FUT9: variants seen among roughly 807,000 people sequenced by gnomAD.
FUT9 encodes fucosyltransferase 9, also known as 4-galactosyl-N-acetylglucosaminide 3-alpha-L-fucosyltransferase 9.
Under a neutral mutation model 29.7 loss-of-function variants are expected in FUT9, and 15 were observed. The ratio of observed to expected loss-of-function variants is 0.51; its 90% CI spans 0.34 to 0.78. The LOEUF is 0.78. Among genes scored for constraint, FUT9 ranks in the 30% least tolerant of loss-of-function variants. FUT9 has a pLI of 0.01. For missense variants in FUT9, 319 were observed against 425.4 expected (o/e 0.75, Z 2.20); for synonymous variants, 169 against 153.7 (o/e 1.10, Z -0.74).
intron 2 of FUT9, among the ~76,000 whole-genome samples, chr6:96,172,588 T>A (rs778852039): frequency 6.6e-6 from 1 of 151,806 alleles, no homozygotes; most frequent in Non-Finnish European, 1.5e-5. Flanking sequence ...GGTTTCTACA[T>A]CATACCACCA....
chr6:96,147,802 C>G (rs1356897840), intron 2 of FUT9, among the ~76,000 whole-genome samples: 1 of 150,720 alleles, frequency 6.6e-6, no homozygotes, highest in East Asian at 1.9e-4. Flanking sequence ...ATGACGGATT[C>G]AGGCTTGCAT....
At chr6:96,057,103 T>G (rs1294241589) in intron 1 of FUT9, among the ~76,000 whole-genome samples, 1 of 152,216 alleles carries the variant, frequency 6.6e-6, no homozygotes, top group Non-Finnish European at 1.5e-5. Flanking sequence ...TTAAATGCAT[T>G]TTTAAATCAT....
intron 1 of FUT9, among the ~76,000 whole-genome samples, chr6:96,083,752 A>T (rs1176032801): frequency 2.0e-5 from 3 of 152,122 alleles, no homozygotes; most frequent in Non-Finnish European, 4.4e-5. Context: ...ATAAATAAAA[A>T]AGAAATTCAC....
chr6:96,174,649 C>T (rs1310560342), intron 2 of FUT9, among the ~76,000 whole-genome samples: 1 of 152,032 alleles, frequency 6.6e-6, no homozygotes, highest in Admixed American at 6.6e-5. Context: ...ACATTATGGT[C>T]TTGTTTTCCC....
chr6:96,133,936 A>G (rs12205388), intron 2 of FUT9, among the ~76,000 whole-genome samples: 22,228 of 151,798 alleles, frequency 0.15, 1,831 homozygotes, highest in Non-Finnish European at 0.18. Flanking sequence ...TAGGATGTTA[A>G]TAGTTAAGGT....
intron 2 of FUT9, among the ~76,000 whole-genome samples, chr6:96,157,696 A>G (rs1312635962): frequency 6.6e-6 from 1 of 152,176 alleles, no homozygotes; most frequent in Non-Finnish European, 1.5e-5. Context: ...ATCTTATTTG[A>G]CATGTTTTAT....
chr6:96,187,155 C>T (rs1419758309), intron 2 of FUT9, among the ~76,000 whole-genome samples: 1 of 152,064 alleles, frequency 6.6e-6, no homozygotes, highest in Non-Finnish European at 1.5e-5. Context: ...GTTGGTTTCC[C>T]ATGGATTCTC....
At chr6:96,024,220 C>T (rs1770123292) in intron 1 of FUT9, among the ~76,000 whole-genome samples, 1 of 151,756 alleles carries the variant, frequency 6.6e-6, no homozygotes, top group South Asian at 2.1e-4. Flanking sequence ...AGTCTGATTC[C>T]CTTATTTTCC....
At position 96,207,412 on chromosome 6, in the gene FUT9, C is replaced by G. The variant is rs888582168; in HGVS notation, c.*3177C>G. On this transcript the variant is annotated 3_prime_UTR_variant, in exon 3 of 3. Transcript: ENST00000302103. ...TTTTTAGGGCCTATAGAATGGTACA[C>G]CTCATGTAGAAGAACTTCGACTTTT... The G allele has an allele frequency of 1.2e-5, 2 of 166,996 alleles. No homozygotes were observed. The highest frequency in any genetic ancestry group is 4.8e-5 in the African/African-American group (2 of 41,424). The allele number at this position is 166,996 out of a possible 1,614,324, so 10.3% of individuals were successfully genotyped here.
At chr6:96,025,835 G>A (rs142992106) in intron 1 of FUT9, among the ~76,000 whole-genome samples, 1 of 151,682 alleles carries the variant, frequency 6.6e-6, no homozygotes, top group South Asian at 2.1e-4. Context: ...GTCTGCCACA[G>A]TTGAATGGAT....
intron 1 of FUT9, among the ~76,000 whole-genome samples, chr6:96,052,762 C>G (rs1007986316): frequency 6.6e-6 from 1 of 151,490 alleles, no homozygotes; most frequent in Admixed American, 6.6e-5. Flanking sequence ...AGTTTTTTGG[C>G]TATTTTACTA....
intron 1 of FUT9, among the ~76,000 whole-genome samples, chr6:96,042,976 T>C (rs763463214): frequency 2.0e-5 from 3 of 152,236 alleles, no homozygotes; most frequent in Non-Finnish European, 2.9e-5. Context: ...CTTGACTAAA[T>C]TTTTATGAGT....
chr6:96,179,072 G>A (rs543699607), intron 2 of FUT9, among the ~76,000 whole-genome samples: 59 of 152,184 alleles, frequency 3.9e-4, no homozygotes, highest in African/African-American at 1.4e-3. Flanking sequence ...TCAATGCAAT[G>A]AAATTGTTAT....
rs1041875915 is a variant in FUT9, at chr6:96,205,095, T to C, written c.*860T>C. The C allele has an allele frequency of 1.2e-5, 2 of 166,888 alleles. No homozygotes were observed. The highest frequency in any genetic ancestry group is 2.9e-5 in the Non-Finnish European group (2 of 68,062). The allele number at this position is 166,888 out of a possible 1,614,324, so 10.3% of individuals were successfully genotyped here. ...ATAAATATATTTATAAATGGTGTCA[T>C]TTATGAACAATGTTTAATTATGTAT... On this transcript the variant is annotated 3_prime_UTR_variant, in exon 3 of 3. Transcript: ENST00000302103.
intron 2 of FUT9, among the ~76,000 whole-genome samples, chr6:96,132,400 C>T (rs1772262836): frequency 6.6e-6 from 1 of 152,084 alleles, no homozygotes; most frequent in Non-Finnish European, 1.5e-5. Context: ...AACGCATCCT[C>T]TCTGGTTTCA....
intron 2 of FUT9, among the ~76,000 whole-genome samples, chr6:96,161,826 T>A (rs1562147551): frequency 1.3e-5 from 2 of 152,334 alleles, no homozygotes; most frequent in East Asian, 3.9e-4. Flanking sequence ...CCTTTTACCA[T>A]GGGATGTGAA....
chr6:96,063,361 G>A (rs1770908483), intron 1 of FUT9, among the ~76,000 whole-genome samples: 1 of 152,120 alleles, frequency 6.6e-6, no homozygotes, highest in Non-Finnish European at 1.5e-5. Context: ...TACAATCATG[G>A]CAGAAGGCAA....
intron 2 of FUT9, among the ~76,000 whole-genome samples, chr6:96,151,732 T>C (rs917616497): frequency 4.6e-5 from 7 of 152,194 alleles, no homozygotes. Flanking sequence ...GAGTTTCAGC[T>C]ACGATATTTT....
chr6:96,025,523 T>C (rs1770152811), intron 1 of FUT9, among the ~76,000 whole-genome samples: 1 of 151,728 alleles, frequency 6.6e-6, no homozygotes, highest in Non-Finnish European at 1.5e-5. Flanking sequence ...CCTTTGATAC[T>C]TATTGGGGAT....
Sources: gnomAD v4.1 joint callset for allele counts (sites outside exome capture counted in the v4.1 genomes callset) on GRCh38, gnomAD v4.1.1 for gene constraint, MANE v1.5 for transcripts, NCBI Gene and HGNC (gene_info 2026-07-23, HGNC 2026-07-21) for gene names.